FMNL3: variants seen among roughly 807,000 people sequenced by gnomAD.
The protein encoded by FMNL3 is formin-like protein 3.
In FMNL3, 57 loss-of-function variants were observed where a neutral mutation model predicts 119.6. That is an observed-to-expected ratio of 0.48 (90% CI 0.39 to 0.59). The LOEUF (loss-of-function observed/expected upper bound fraction) is 0.59, where lower values mean the gene tolerates loss of function less well. FMNL3 is among the 20% of genes least tolerant of loss of function. The probability of loss-of-function intolerance (pLI) is 0.00; values close to 1 mark genes in which losing one functional copy is unlikely to be tolerated. For synonymous variants in FMNL3, 491 were observed against 507.3 expected, an observed-to-expected ratio of 0.97 and a Z score of 0.43; for missense variants, 1,053 against 1,323.5, an observed-to-expected ratio of 0.80 and a Z score of 3.17.
rs544062924 is a variant in FMNL3, at chr12:49,656,611, G to A, written c.792-114C>T. 2.9e-6 allele frequency: 3 copies of A among 1,016,996 alleles called. No individual in the cohort carries two copies. The South Asian group carries it at 4.7e-5, about 16-fold the overall frequency. 63.0% of individuals were successfully genotyped at this position (1,016,996 alleles called of 1,614,324 possible). Reference sequence around the variant, plus strand: ...AGAGTGGAGAAAGCCTCAGTGGTGAGGAGAGAGGGTGGGAGAAAGAGGGCT... The same window carrying A: ...AGAGTGGAGAAAGCCTCAGTGGTGAAGAGAGAGGGTGGGAGAAAGAGGGCT... On this transcript the variant is annotated intron_variant, in intron 8 of 25. Transcript: ENST00000335154.
chr12:49,660,380 C>T (rs897556918), intron 5 of FMNL3, among the ~76,000 whole-genome samples: 3 of 152,142 alleles, frequency 2.0e-5, no homozygotes, highest in Middle Eastern at 3.2e-3. Context: ...AAATGAGCTA[C>T]ATTTTTTACT....
chr12:49,652,070 A>T lies in FMNL3; in HGVS notation c.1466T>A (p.Val489Glu). ...ESVDSEALAR[V>E]GPAELSEGMP... ...GCCCTCACTCAGCTCTGCAGGGCCTACTCTGGCCAGGGCCTCACTGTCCAC... is the reference window on the plus strand; with the variant it reads ...GCCCTCACTCAGCTCTGCAGGGCCTTCTCTGGCCAGGGCCTCACTGTCCAC... The change falls in exon 14 of 26, where the codon GTA becomes GAA. Residue 489 changes from valine (V) to glutamate (E), a missense_variant. Coordinates refer to ENST00000335154, the MANE Select transcript of FMNL3 (RefSeq NM_175736.5). 1.9e-6 allele frequency: 3 copies of T among 1,612,382 alleles called. No individual in the cohort carries two copies. The highest frequency in any genetic ancestry group is 2.5e-6 in the Non-Finnish European group (3 of 1,179,350).
intron 4 of FMNL3, among the ~76,000 whole-genome samples, chr12:49,664,057 G>A (rs1468316600): frequency 6.6e-6 from 1 of 152,124 alleles, no homozygotes; most frequent in Non-Finnish European, 1.5e-5. Context: ...GAGACCGCCT[G>A]ACCAACATGG....
chr12:49,703,174 AAG>A (rs996171544), intron 1 of FMNL3, among the ~76,000 whole-genome samples: 6 of 152,172 alleles, frequency 3.9e-5, no homozygotes, highest in Non-Finnish European at 5.9e-5. Context: ...TAAATCAACA[AAG>A]AGAAAAATCA....
At chr12:49,651,731 C>T (rs939461892) in intron 14 of FMNL3, among the ~76,000 whole-genome samples, 7 of 152,190 alleles carry the variant, frequency 4.6e-5, no homozygotes, top group African/African-American at 1.4e-4. Flanking sequence ...AAAACAGGTC[C>T]ACATCTGCCT....
At chr12:49,696,043 G>C (rs1383074187) in intron 1 of FMNL3, among the ~76,000 whole-genome samples, 1 of 152,026 alleles carries the variant, frequency 6.6e-6, no homozygotes, top group Non-Finnish European at 1.5e-5. Context: ...TGGGTTCCTG[G>C]GATTTGTGAA....
At chr12:49,704,059 G>A (rs1278482704) in intron 1 of FMNL3, among the ~76,000 whole-genome samples, 1 of 152,120 alleles carries the variant, frequency 6.6e-6, no homozygotes, top group Admixed American at 6.5e-5. Context: ...CATTTACTAA[G>A]CATATAGTAG....
rs1427305304 is a variant in FMNL3 at position 49,652,268 on chromosome 12, C to T, written c.1324-56G>A. The T allele has an allele frequency of 2.6e-6, 4 of 1,555,844 alleles. No individual in the cohort carries two copies. The South Asian group carries it at 4.9e-5, about 19-fold the overall frequency. On this transcript the variant is annotated intron_variant, in intron 13 of 25. Transcript: ENST00000335154. ...AGTGGGCTGAAGGCATAGTCATTGC[C>T]CCAAGAGTGAGAATTCCTACCCAGG...
Position 49,649,183 on chromosome 12 carries a change from C to T in FMNL3, c.2386-25G>A. The T allele has an allele frequency of 6.2e-7, 1 of 1,611,898 alleles. No homozygotes were observed. The highest frequency in any genetic ancestry group is 1.1e-5 in the South Asian group (1 of 90,618). On this transcript the variant is annotated intron_variant, in intron 20 of 25. Coordinates refer to ENST00000335154, the MANE Select transcript of FMNL3 (RefSeq NM_175736.5). This position sits in a 1 kb window ranked among gnomAD's most constrained non-coding sequence, Gnocchi z 5.6. ...GCTAGGAGAGGGGGTGAGGGCGGTG[C>T]ACAAGAGCTAAGCACTCTGGCTCCA...
Position 49,649,685 on chromosome 12 carries a change from C to T in FMNL3, c.2235+6G>A, listed in dbSNP as rs1372131491. ...TCCAGAGCCATGAGTTGGGTGGGGGCTGTACCGGTGTGAGCATCTGCAGGT... is the reference window on the plus strand; with the variant it reads ...TCCAGAGCCATGAGTTGGGTGGGGGTTGTACCGGTGTGAGCATCTGCAGGT... On this transcript the variant is annotated splice_donor_region_variant and intron_variant, in intron 18 of 25. Transcript: ENST00000335154. The surrounding 1 kb of genome is among the most constrained non-coding windows in gnomAD (Gnocchi z 5.6). 1 of 1,613,980 alleles carries T rather than the reference C, an allele frequency of 6.2e-7. No individual in the cohort carries two copies. The highest frequency in any genetic ancestry group is 1.3e-5 in the African/African-American group (1 of 75,034).
intron 4 of FMNL3, 109 bp downstream of exon 4, chr12:49,665,723 A>G (rs1250589933): frequency 8.5e-7 from 1 of 1,180,324 alleles, no homozygotes; most frequent in Non-Finnish European, 1.3e-6. Context: ...ACTCTGCCCC[A>G]TGGCAGGGAA....
chr12:49,636,620 A>T lies in FMNL3; in HGVS notation c.*9195T>A, dbSNP rs1250350508. 2 of 1,551,276 alleles carry T rather than the reference A, an allele frequency of 1.3e-6. No homozygotes were observed. The highest frequency in any genetic ancestry group is 2.7e-5 in the African/African-American group (2 of 73,804). ...CCCCACCACCCTGGGTATCCCTAGC[A>T]CCTGTAGGACAGCATCGTTGAAACA... On this transcript the variant is annotated 3_prime_UTR_variant, in exon 26 of 26. Coordinates refer to ENST00000335154, the MANE Select transcript of FMNL3 (RefSeq NM_175736.5).
rs139194383 is a variant in FMNL3, at chr12:49,666,538, T to C, written c.211-331A>G. 4.5e-3 allele frequency among the ~76,000 whole-genome samples: 691 copies of C among 152,280 alleles called. 4 individuals carry two copies. Among genetic ancestry groups the C allele is most frequent in the African/African-American group, 0.015 (644 of 41,550 alleles). The stretch of plus-strand genomic sequence containing the variant: ...AACAGCACCCAAAATAAAGATATAA[T>C]TGATTGCGCTTGGGAGGTCGAGGCA... On this transcript the variant is annotated intron_variant, in intron 2 of 25. Transcript: ENST00000335154.
intron 5 of FMNL3, 84 bp from the exon 6 acceptor site, chr12:49,658,678 C>A: frequency 6.9e-7 from 1 of 1,451,976 alleles, no homozygotes; most frequent in Non-Finnish European, 9.1e-7. Flanking sequence ...TGAGCCCACC[C>A]CCACCCTTCA....
Position 49,641,663 on chromosome 12 carries a change from C to T in FMNL3, c.*4152G>A, listed in dbSNP as rs1942670893. On this transcript the variant is annotated 3_prime_UTR_variant, in exon 26 of 26. Coordinates refer to ENST00000335154, the MANE Select transcript of FMNL3 (RefSeq NM_175736.5). ...TAATTTTGAGAAACTCAGCATTAAT[C>T]AGCAGTTGGGAGACATCTCCCAACC... is the stretch of plus-strand genomic sequence containing the variant. 2.0e-6 allele frequency: 1 copy of T among 494,196 alleles called. No individual in the cohort carries two copies. Among genetic ancestry groups the T allele is most frequent in the Admixed American group, 3.6e-5 (1 of 28,106 alleles). 30.6% of individuals were successfully genotyped at this position (494,196 alleles called of 1,614,324 possible). A position where few individuals can be genotyped will look rare whatever the true frequency, so the allele number is the denominator to read the frequency against.
At chr12:49,653,146 G>A in intron 13 of FMNL3, 80 bp downstream of exon 13, 1 of 1,269,156 alleles carries the variant, frequency 7.9e-7, no homozygotes, top group Non-Finnish European at 1.1e-6. Context: ...AACTTGATAT[G>A]ACTCAGGGAA....
intron 1 of FMNL3, among the ~76,000 whole-genome samples, chr12:49,705,463 A>AG (rs1399367427): frequency 3.3e-5 from 5 of 152,166 alleles, no homozygotes; most frequent in African/African-American, 9.7e-5. Flanking sequence ...CTCCCACCTA[A>AG]GGCAGCCTCC....
chr12:49,696,103 T>C (rs1454406389), intron 1 of FMNL3, among the ~76,000 whole-genome samples: 3 of 152,224 alleles, frequency 2.0e-5, no homozygotes, highest in Non-Finnish European at 4.4e-5. Context: ...AGGACCTCTC[T>C]AGAATACCAA....
intron 25 of FMNL3, chr12:49,646,626 C>T (rs553178617): frequency 2.5e-5 from 37 of 1,493,132 alleles, no homozygotes; most frequent in South Asian, 2.2e-4. Context: ...GGGGCAGCTG[C>T]GGTGCCCAGT....
Sources: allele counts gnomAD v4.1 joint callset (sites outside exome capture counted in the v4.1 genomes callset), GRCh38; gene constraint gnomAD v4.1.1; non-coding constraint Gnocchi (gnomAD v3.1); transcripts MANE v1.5; gene names NCBI Gene and HGNC (gene_info 2026-07-23, HGNC 2026-07-21).